The following LRRC4C variants were observed in gnomAD, a reference collection of about 807,000 sequenced individuals.
LRRC4C encodes the protein leucine rich repeat containing 4C.
In LRRC4C, 5 loss-of-function variants were observed where a neutral mutation model predicts 33.6. The ratio of observed to expected loss-of-function variants is 0.15; its 90% CI spans 0.08 to 0.31. LRRC4C has a LOEUF of 0.31. LRRC4C is among the 10% of genes least tolerant of loss of function. The probability of loss-of-function intolerance (pLI) is 1.00; values close to 1 mark genes in which losing one functional copy is unlikely to be tolerated. For missense variants in LRRC4C, 560 were observed against 796.7 expected, an observed-to-expected ratio of 0.70 and a Z score of 3.58; for synonymous variants, 329 against 302.0, an observed-to-expected ratio of 1.09 and a Z score of -0.93.
At chr11:41,387,700 A>T (rs77392340) in intron 1 of LRRC4C, among the ~76,000 whole-genome samples, 1 of 151,668 alleles carries the variant, frequency 6.6e-6, no homozygotes, top group South Asian at 2.1e-4. Flanking sequence ...GTTATGGGTG[A>T]CCCTGGTTTA....
intron 5 of LRRC4C, among the ~76,000 whole-genome samples, chr11:40,233,777 C>T (rs1315684929): frequency 1.3e-5 from 2 of 152,100 alleles, no homozygotes; most frequent in East Asian, 3.9e-4. Flanking sequence ...ATTTTCATTA[C>T]TTTAATTGTT....
At chr11:40,665,347 T>TAC (rs1943733320) in intron 2 of LRRC4C, among the ~76,000 whole-genome samples, 1 of 17,878 alleles carries the variant, frequency 5.6e-5, no homozygotes, top group Non-Finnish European at 1.2e-4. Context: ...TATATATATA[T>TAC]ATATATATAT....
chr11:41,178,494 C>A (rs1179393594), intron 1 of LRRC4C, among the ~76,000 whole-genome samples: 1 of 152,148 alleles, frequency 6.6e-6, no homozygotes, highest in Admixed American at 6.5e-5. Context: ...GCTGGAACTA[C>A]AGGGGTGCAC....
intron 4 of LRRC4C, among the ~76,000 whole-genome samples, chr11:40,254,252 C>A (rs1472449675): frequency 6.6e-6 from 1 of 152,136 alleles, no homozygotes; most frequent in African/African-American, 2.4e-5. Flanking sequence ...GATAAAATAC[C>A]ATGTTAGCCA....
chr11:41,194,361 T>C (rs1174668516), intron 1 of LRRC4C, among the ~76,000 whole-genome samples: 1 of 152,144 alleles, frequency 6.6e-6, no homozygotes, highest in Non-Finnish European at 1.5e-5. Flanking sequence ...AATATGAGTA[T>C]AGAGACATAA....
At chr11:40,872,493 C>A (rs892395430) in intron 2 of LRRC4C, among the ~76,000 whole-genome samples, 2 of 152,018 alleles carry the variant, frequency 1.3e-5, no homozygotes, top group African/African-American at 4.8e-5. Flanking sequence ...CCAGCATTTT[C>A]TTATATACTC....
chr11:40,197,166 A>T (rs1862328871), intron 5 of LRRC4C, among the ~76,000 whole-genome samples: 1 of 152,188 alleles, frequency 6.6e-6, no homozygotes, highest in African/African-American at 2.4e-5. Flanking sequence ...TGCTGGAAAA[A>T]TTAACGTTGT....
intron 1 of LRRC4C, among the ~76,000 whole-genome samples, chr11:41,406,392 T>A (rs2138162078): frequency 6.6e-6 from 1 of 152,308 alleles, no homozygotes; most frequent in South Asian, 2.1e-4. Flanking sequence ...TTGGCTTGCT[T>A]GACTTTAGGA....
At chr11:41,115,689 C>T (rs1942080070) in intron 1 of LRRC4C, among the ~76,000 whole-genome samples, 1 of 151,978 alleles carries the variant, frequency 6.6e-6, no homozygotes, top group Non-Finnish European at 1.5e-5. Context: ...GTTTTAGGCC[C>T]AATAGCTGAG....
At chr11:40,641,996 T>G (rs1468068562) in intron 3 of LRRC4C, among the ~76,000 whole-genome samples, 1 of 151,330 alleles carries the variant, frequency 6.6e-6, no homozygotes, top group East Asian at 1.9e-4. Context: ...AGGACAGCCA[T>G]GTCAAATCTT....
intron 2 of LRRC4C, among the ~76,000 whole-genome samples, chr11:40,659,842 T>A (rs558002466): frequency 6.6e-6 from 1 of 152,308 alleles, no homozygotes; most frequent in African/African-American, 2.4e-5. Context: ...TCCACCTTGC[T>A]CACCCTCCAG....
intron 3 of LRRC4C, among the ~76,000 whole-genome samples, chr11:40,434,349 G>A (rs553175098): frequency 6.6e-6 from 1 of 152,306 alleles, no homozygotes; most frequent in East Asian, 1.9e-4. Flanking sequence ...GGGTGTTACG[G>A]GAGGGCGAGC....
chr11:40,337,674 A>T (rs1360190461), intron 3 of LRRC4C, among the ~76,000 whole-genome samples: 2 of 152,174 alleles, frequency 1.3e-5, no homozygotes, highest in Admixed American at 6.6e-5. Context: ...TGACACCATC[A>T]TTCTTTCCAA....
chr11:41,163,906 CT>C (rs1210011700), intron 1 of LRRC4C, among the ~76,000 whole-genome samples: 2 of 152,146 alleles, frequency 1.3e-5, no homozygotes, highest in Admixed American at 1.3e-4. Flanking sequence ...GATGCTGCAC[CT>C]GGCCACTACT....
intron 3 of LRRC4C, among the ~76,000 whole-genome samples, chr11:40,442,636 G>T (rs959505278): frequency 3.3e-5 from 5 of 152,166 alleles, no homozygotes; most frequent in Non-Finnish European, 7.4e-5. Context: ...GATTCTCCAG[G>T]GAGACAGGGT....
At chr11:41,014,590 C>A (rs1334004322) in intron 1 of LRRC4C, among the ~76,000 whole-genome samples, 2 of 151,562 alleles carry the variant, frequency 1.3e-5, no homozygotes, top group African/African-American at 2.4e-5. Flanking sequence ...AACCTGGAGG[C>A]CCACACATTT....
chr11:40,988,833 C>T (rs1361470892), intron 1 of LRRC4C, among the ~76,000 whole-genome samples: 1 of 151,052 alleles, frequency 6.6e-6, no homozygotes, highest in African/African-American at 2.4e-5. Context: ...TCTCCTGCCT[C>T]AGCCTCCCGA....
At chr11:40,307,742 T>G (rs1166321749) in intron 4 of LRRC4C, among the ~76,000 whole-genome samples, 4 of 152,226 alleles carry the variant, frequency 2.6e-5, no homozygotes, top group Non-Finnish European at 5.9e-5. Flanking sequence ...TGTTAAATTT[T>G]ATTTAGGACA....
At chr11:40,989,780 C>T (rs1173812159) in intron 1 of LRRC4C, among the ~76,000 whole-genome samples, 1 of 152,028 alleles carries the variant, frequency 6.6e-6, no homozygotes, top group Non-Finnish European at 1.5e-5. Context: ...AGAATCTTAG[C>T]ATTTAATGTG....
Sources: gnomAD v4.1 joint callset for allele counts (sites outside exome capture counted in the v4.1 genomes callset) on GRCh38, gnomAD v4.1.1 for gene constraint, MANE v1.5 for transcripts, NCBI Gene and HGNC (gene_info 2026-07-23, HGNC 2026-07-21) for gene names.